WNT7A: variants seen among roughly 807,000 people sequenced by gnomAD.
WNT7A encodes the protein protein Wnt-7a.
A neutral mutation model predicts 28.2 loss-of-function variants in WNT7A; 16 were observed. The observed-to-expected ratio is 0.57, with a 90% confidence interval of 0.38 to 0.86. The LOEUF (loss-of-function observed/expected upper bound fraction) is 0.86. WNT7A is among the 40% of genes least tolerant of loss of function. The pLI is 0.00. For missense variants in WNT7A, 411 were observed against 489.7 expected (o/e 0.84, Z 1.52); for synonymous variants, 190 against 195.9 (o/e 0.97, Z 0.25).
At chr3:13,868,808 GAAA>G (rs1694972444) in intron 2 of WNT7A, among the ~76,000 whole-genome samples, 1 of 98,384 alleles carries the variant, frequency 1.0e-5, no homozygotes, top group African/African-American at 4.9e-5. Flanking sequence ...GAGAGAGAAA[GAAA>G]GAGAGAGAGA....
At chr3:13,871,571 A>C (rs1695026238) in intron 2 of WNT7A, among the ~76,000 whole-genome samples, 1 of 149,722 alleles carries the variant, frequency 6.7e-6, no homozygotes, top group South Asian at 2.1e-4. Context: ...GGTTGTCACC[A>C]TCCCTCCTTC....
intron 1 of WNT7A, chr3:13,875,813 C>T (rs1434894518): frequency 6.4e-6 from 1 of 155,952 alleles, no homozygotes; most frequent in Non-Finnish European, 1.4e-5. Flanking sequence ...CATGACTGGC[C>T]TAGAGGATGT....
chr3:13,867,247 G>A (rs570873521), intron 2 of WNT7A, among the ~76,000 whole-genome samples: 2 of 152,274 alleles, frequency 1.3e-5, no homozygotes, highest in South Asian at 4.2e-4. Context: ...TCATCTGCAA[G>A]GTAAGGGTGG....
In WNT7A at chr3:13,822,114, C is replaced by A. The variant is rs141752357; in HGVS notation, c.571-2691G>T. ...GGCGAGGGTGTGGAGCCATCAGAAC[C>A]CTCTTGCACTGCTGGTGGGCATCTG... On this transcript the variant is annotated intron_variant, in intron 3 of 3. Transcript: ENST00000285018. Among the ~76,000 whole-genome samples the A allele has an allele frequency of 2.6e-3, 403 of 152,318 alleles. 1 individual carries two copies. Among genetic ancestry groups the A allele is most frequent in the African/African-American group, 9.3e-3 (386 of 41,562 alleles).
At chr3:13,830,520 C>A (rs1435593233) in intron 3 of WNT7A, among the ~76,000 whole-genome samples, 6 of 152,320 alleles carry the variant, frequency 3.9e-5, no homozygotes, top group Admixed American at 3.3e-4. Context: ...GCTGCTCACC[C>A]CTGCTCTACC....
At position 13,869,693 on chromosome 3, in the gene WNT7A, T is replaced by TAGAC. The variant is rs143524351; in HGVS notation, c.298+5253_298+5254insGTCT. ...AGGGAGGGAGGGAGGAAGGGAAAGA[T>TAGAC]AGAGAAAGAAGGAGAGAAAGAAAGA... On this transcript the variant is annotated intron_variant, in intron 2 of 3. Transcript: ENST00000285018. 1.5e-3 allele frequency among the ~76,000 whole-genome samples: 220 copies of TAGAC among 143,408 alleles called. 1 individual carries two copies. Among genetic ancestry groups the TAGAC allele is most frequent in the Non-Finnish European group, 2.6e-3 (169 of 65,862 alleles). 94.1% of individuals were successfully genotyped at this position (143,408 alleles called of 152,430 possible). A position where few individuals can be genotyped will look rare whatever the true frequency, so the allele number is the denominator to read the frequency against.
intron 2 of WNT7A, among the ~76,000 whole-genome samples, chr3:13,874,255 C>T (rs1332318594): frequency 1.3e-5 from 2 of 152,226 alleles, no homozygotes; most frequent in African/African-American, 4.8e-5. Context: ...AGCACGGCCT[C>T]CTGCCACTGA....
At chr3:13,833,740 AG>A (rs1260502222) in intron 3 of WNT7A, among the ~76,000 whole-genome samples, 1 of 152,192 alleles carries the variant, frequency 6.6e-6, no homozygotes, top group African/African-American at 2.4e-5. Flanking sequence ...CCACAGCGTG[AG>A]GGGCAGGGAG....
chr3:13,846,900 G>T (rs1204285044), intron 3 of WNT7A, among the ~76,000 whole-genome samples: 1 of 152,158 alleles, frequency 6.6e-6, no homozygotes, highest in Non-Finnish European at 1.5e-5. Flanking sequence ...CCAGGTTGGG[G>T]GTGGGGTGGT....
intron 3 of WNT7A, among the ~76,000 whole-genome samples, chr3:13,841,059 A>G (rs1405980915): frequency 6.6e-6 from 1 of 152,242 alleles, no homozygotes; most frequent in African/African-American, 2.4e-5. Flanking sequence ...CTCAGTGCCT[A>G]AAACAGAGCT....
At position 13,874,997 on chromosome 3, in the gene WNT7A, T is replaced by C; in HGVS notation, c.248A>G (p.Asn83Ser). ...CQFQFRNGRW[N>S]CSALGERTVF... ...GGTGCGCTCTCCCAGTGCAGAGCAG[T>C]TCCAGCGGCCATTGCGGAACTGAAA... Residue 83 changes from asparagine (N) to serine (S), a missense_variant, in exon 2 of 4, where the codon AAC (asparagine) becomes AGC (serine). Asn to Ser is a conservative substitution (Grantham distance 46, BLOSUM62 1). Transcript: ENST00000285018. 6.2e-7 allele frequency: 1 copy of C among 1,614,214 alleles called. No individual in the cohort carries two copies. The highest frequency in any genetic ancestry group is 8.5e-7 in the Non-Finnish European group (1 of 1,180,042).
chr3:13,837,694 C>G (rs912705873), intron 3 of WNT7A, among the ~76,000 whole-genome samples: 3 of 152,204 alleles, frequency 2.0e-5, no homozygotes, highest in Non-Finnish European at 4.4e-5. Flanking sequence ...GGCAGGGACA[C>G]AGGCGACGAT....
intron 2 of WNT7A, among the ~76,000 whole-genome samples, chr3:13,869,070 G>T (rs1310412416): frequency 6.7e-6 from 1 of 148,488 alleles, no homozygotes; most frequent in African/African-American, 2.5e-5. Flanking sequence ...GAGAAAGCAA[G>T]TGAGAGAGAG....
At chr3:13,856,893 A>AAAG (rs775537679) in intron 2 of WNT7A, among the ~76,000 whole-genome samples, 1,911 of 73,074 alleles carry the variant, frequency 0.026, 59 homozygotes, top group Admixed American at 0.034. Flanking sequence ...AGAAGAAGAA[A>AAAG]AAGAAGAAGA....
intron 3 of WNT7A, among the ~76,000 whole-genome samples, chr3:13,852,198 A>AC (rs1282628046): frequency 2.0e-5 from 3 of 151,468 alleles, no homozygotes; most frequent in African/African-American, 4.9e-5. Flanking sequence ...CACATGGTGC[A>AC]CCCCCCCACC....
intron 3 of WNT7A, among the ~76,000 whole-genome samples, chr3:13,849,688 G>A (rs996356057): frequency 3.3e-5 from 5 of 152,188 alleles, no homozygotes; most frequent in African/African-American, 1.2e-4. Context: ...GTAGGGTGAT[G>A]GAGAGAGATG....
chr3:13,852,446 G>A (rs1694653511), intron 3 of WNT7A, among the ~76,000 whole-genome samples: 1 of 152,238 alleles, frequency 6.6e-6, no homozygotes, highest in African/African-American at 2.4e-5. Context: ...GGCTTCTGGG[G>A]TGGGGTCCCA....
At chr3:13,841,697 G>C (rs575844740) in intron 3 of WNT7A, among the ~76,000 whole-genome samples, 9 of 152,350 alleles carry the variant, frequency 5.9e-5, no homozygotes, top group African/African-American at 2.2e-4. Flanking sequence ...TTCTGTCTGG[G>C]CCTGTGCCGT....
At chr3:13,878,605 G>C (rs1695151010) in intron 1 of WNT7A, among the ~76,000 whole-genome samples, 1 of 152,174 alleles carries the variant, frequency 6.6e-6, no homozygotes, top group Non-Finnish European at 1.5e-5. Context: ...CCCCGCTCCA[G>C]AGACGTGGAC....
Sources: gnomAD v4.1 joint callset for allele counts (sites outside exome capture counted in the v4.1 genomes callset) on GRCh38, gnomAD v4.1.1 for gene constraint, MANE v1.5 for transcripts, NCBI Gene and HGNC (gene_info 2026-07-23, HGNC 2026-07-21) for gene names.